TRIP11: variants seen among roughly 807,000 people sequenced by gnomAD.
TRIP11 encodes thyroid hormone receptor interactor 11.
Under a neutral mutation model 223.1 loss-of-function variants are expected in TRIP11, and 148 were observed. The ratio of observed to expected loss-of-function variants is 0.66; its 90% CI spans 0.58 to 0.76. The LOEUF (loss-of-function observed/expected upper bound fraction) is 0.76, where lower values mean the gene tolerates loss of function less well. Among genes scored for constraint, TRIP11 ranks in the 30% least tolerant of loss-of-function variants. The pLI is 0.00. For missense variants in TRIP11, 2,043 were observed against 2,222.0 expected (o/e 0.92, Z 1.62); for synonymous variants, 762 against 772.6 (o/e 0.99, Z 0.23).
rs1247453498 is a variant in TRIP11, at chr14:92,039,856, A to AGGCCT, written c.-176_-172dup. The AGGCCT allele has an allele frequency of 7.1e-7, 1 of 1,403,302 alleles. No individual in the cohort carries two copies. Among genetic ancestry groups the AGGCCT allele is most frequent in the Non-Finnish European group, 9.6e-7 (1 of 1,040,242 alleles). 86.9% of individuals were successfully genotyped at this position (1,403,302 alleles called of 1,614,324 possible). On this transcript the variant is annotated 5_prime_UTR_variant, in exon 1 of 21. An upstream open reading frame in the 5' UTR loses its in-frame stop. Transcript: ENST00000267622. The stretch of plus-strand genomic sequence containing the variant: ...CTCCAGGTTCTGCCTAGAAACGCAG[A>AGGCCT]GGCCTGGCCTGGAATTTTACCAGGG...
intron 13 of TRIP11, among the ~76,000 whole-genome samples, chr14:91,997,869 G>C (rs2056770642): frequency 6.6e-6 from 1 of 152,268 alleles, no homozygotes; most frequent in East Asian, 1.9e-4. Context: ...TAAATGAAAA[G>C]TGCAGAGACT....
At chr14:91,973,275 C>A (rs1288519135) in intron 19 of TRIP11, among the ~76,000 whole-genome samples, 1 of 152,256 alleles carries the variant, frequency 6.6e-6, no homozygotes, top group East Asian at 1.9e-4. Flanking sequence ...CCGCCCACCT[C>A]GGCCTCCCAA....
chr14:91,972,127 G>A (rs2056407669), intron 20 of TRIP11, among the ~76,000 whole-genome samples: 1 of 152,176 alleles, frequency 6.6e-6, no homozygotes, highest in African/African-American at 2.4e-5. Flanking sequence ...AATTTAGTGA[G>A]ACAGAAAAAT....
intron 1 of TRIP11, among the ~76,000 whole-genome samples, chr14:92,035,455 T>A (rs1046529588): frequency 6.6e-6 from 1 of 151,762 alleles, no homozygotes; most frequent in Non-Finnish European, 1.5e-5. Context: ...GAGTGTCCAA[T>A]CTTTTGGCTT....
intron 16 of TRIP11, among the ~76,000 whole-genome samples, chr14:91,986,477 A>G (rs911059556): frequency 6.6e-6 from 1 of 152,166 alleles, no homozygotes; most frequent in Non-Finnish European, 1.5e-5. Flanking sequence ...TAGACTTTGG[A>G]GCATTTCAGA....
chr14:92,011,175 A>C, intron 8 of TRIP11, 103 bp from the exon 9 acceptor site: 1 of 1,025,818 alleles, frequency 9.7e-7, no homozygotes, highest in Non-Finnish European at 1.5e-6. Flanking sequence ...GTATTTCTTT[A>C]ATGATATGTA....
At chr14:92,025,757 G>A (rs1035852973) in intron 2 of TRIP11, among the ~76,000 whole-genome samples, 5 of 151,802 alleles carry the variant, frequency 3.3e-5, no homozygotes, top group Non-Finnish European at 5.9e-5. Flanking sequence ...GCGTGTGCCC[G>A]TAATCCCAGC....
intron 11 of TRIP11, among the ~76,000 whole-genome samples, chr14:92,001,410 A>G (rs549104419): frequency 6.6e-6 from 1 of 151,594 alleles, no homozygotes; most frequent in African/African-American, 2.4e-5. Flanking sequence ...AAGAAAGAGC[A>G]AATGCTTGAG....
chr14:92,016,188 C>T (rs1239748551), intron 5 of TRIP11, among the ~76,000 whole-genome samples: 3 of 152,168 alleles, frequency 2.0e-5, no homozygotes, highest in African/African-American at 7.2e-5. Flanking sequence ...TCTGCCAATA[C>T]CAGTGTCACC....
chr14:91,997,479 G>GC (rs1321382408), intron 13 of TRIP11, among the ~76,000 whole-genome samples: 1 of 152,006 alleles, frequency 6.6e-6, no homozygotes, highest in Non-Finnish European at 1.5e-5. Context: ...TAAATATTAT[G>GC]CAAGTTCAAA....
At position 92,005,433 on chromosome 14, in the gene TRIP11, A is replaced by G. The variant is rs2056886632; in HGVS notation, c.2543T>C (p.Ile848Thr). 6.2e-7 allele frequency: 1 copy of G among 1,613,916 alleles called. No individual in the cohort carries two copies. Among genetic ancestry groups the G allele is most frequent in the African/African-American group, 1.3e-5 (1 of 74,976 alleles). The change falls in exon 11 of 21, where the codon ATA becomes ACA. Residue 848 changes from isoleucine (I) to threonine (T), a missense_variant. Physicochemically the swap from Ile to Thr is moderately conservative, Grantham distance 89. Transcript: ENST00000267622. ...LRKNEILRQTIEEKDRSLGSM... is the reference protein window; with the variant it reads ...LRKNEILRQTTEEKDRSLGSM... ...TCCAAGACTTCGGTCTTTTTCCTCTATGGTCTGTCTTAAAATTTCATTTTT... is the reference window on the plus strand; with the variant it reads ...TCCAAGACTTCGGTCTTTTTCCTCTGTGGTCTGTCTTAAAATTTCATTTTT...
chr14:92,032,835 A>C (rs2057283589), intron 2 of TRIP11, among the ~76,000 whole-genome samples: 1 of 144,500 alleles, frequency 6.9e-6, no homozygotes, highest in African/African-American at 2.8e-5. Flanking sequence ...CCCGTTTCAA[A>C]AAAAAAAAAA....
chr14:92,029,292 T>TTTTTTA (rs2057231735), intron 2 of TRIP11, among the ~76,000 whole-genome samples: 1 of 72,396 alleles, frequency 1.4e-5, no homozygotes, highest in African/African-American at 3.7e-5. Context: ...TTTTTTTTTT[T>TTTTTTA]TTTTTTTTTT....
At chr14:92,001,943 G>A (rs1277991968) in intron 11 of TRIP11, among the ~76,000 whole-genome samples, 2 of 152,168 alleles carry the variant, frequency 1.3e-5, no homozygotes, top group East Asian at 1.9e-4. Context: ...AGGAAAAAAT[G>A]AAGTTTTCAC....
intron 7 of TRIP11, among the ~76,000 whole-genome samples, chr14:92,013,605 G>A (rs1371658145): frequency 6.6e-6 from 1 of 152,158 alleles, no homozygotes; most frequent in Non-Finnish European, 1.5e-5. Context: ...AAAAGAGGAA[G>A]GACTAAGGCA....
At chr14:91,971,646 G>C (rs979239776) in intron 20 of TRIP11, among the ~76,000 whole-genome samples, 4 of 151,978 alleles carry the variant, frequency 2.6e-5, no homozygotes, top group Non-Finnish European at 4.4e-5. Context: ...AAGGGAAAGA[G>C]CCTGCCATAA....
intron 16 of TRIP11, among the ~76,000 whole-genome samples, chr14:91,981,013 T>TATATA (rs1491143097): frequency 1.7e-4 from 7 of 41,436 alleles, no homozygotes; most frequent in Non-Finnish European, 1.4e-4. Context: ...TATATATATA[T>TATATA]TTTTTTTTTT....
At chr14:92,039,497 C>T (rs1034571007) in intron 1 of TRIP11, 50 bp downstream of exon 1, 23 of 1,601,324 alleles carry the variant, frequency 1.4e-5, no homozygotes, top group Non-Finnish European at 1.9e-5. Context: ...ACCAAACGGA[C>T]GTTCCCAGGG....
chr14:91,987,829 G>T (rs1305018614), intron 16 of TRIP11, among the ~76,000 whole-genome samples: 1 of 152,168 alleles, frequency 6.6e-6, no homozygotes, highest in African/African-American at 2.4e-5. Context: ...AATACATGAT[G>T]CACCTGTGGT....
Sources: gnomAD v4.1 joint callset for allele counts (sites outside exome capture counted in the v4.1 genomes callset) on GRCh38, gnomAD v4.1.1 for gene constraint, MANE v1.5 for transcripts, NCBI Gene and HGNC (gene_info 2026-07-23, HGNC 2026-07-21) for gene names.